SIPA1L1: variants seen among roughly 807,000 people sequenced by gnomAD.
SIPA1L1 encodes signal induced proliferation associated 1 like 1.
Under a neutral mutation model 162.7 loss-of-function variants are expected in SIPA1L1, and 26 were observed. The observed-to-expected ratio is 0.16, with a 90% confidence interval of 0.12 to 0.22. The LOEUF (loss-of-function observed/expected upper bound fraction) is 0.22. Ranked by LOEUF, SIPA1L1 falls within the 10% of genes least tolerant of loss-of-function variation. SIPA1L1 has a pLI of 1.00. For missense variants in SIPA1L1, 1,874 were observed against 2,241.0 expected, an observed-to-expected ratio of 0.84 and a Z score of 3.31; for synonymous variants, 829 against 837.4, an observed-to-expected ratio of 0.99 and a Z score of 0.17.
At chr14:71,333,284 C>T (rs527351381) in intron 2 of SIPA1L1, among the ~76,000 whole-genome samples, 20 of 152,256 alleles carry the variant, frequency 1.3e-4, no homozygotes, top group African/African-American at 4.6e-4. Flanking sequence ...ATAATGGTAA[C>T]ATCATGTCAC....
chr14:71,567,561 T>C (rs539410114), intron 4 of SIPA1L1, among the ~76,000 whole-genome samples: 330 of 151,840 alleles, frequency 2.2e-3, no homozygotes, highest in African/African-American at 7.5e-3. Context: ...TGGAGCAAAC[T>C]TATAGTTATT....
intron 7 of SIPA1L1, among the ~76,000 whole-genome samples, chr14:71,648,539 C>A (rs1319675265): frequency 3.9e-5 from 6 of 152,076 alleles, no homozygotes. Context: ...GCAGGGCTGG[C>A]TGTGTTTCAG....
rs117883575 is a variant in SIPA1L1 at position 71,459,233 on chromosome 14, G to A, written c.-464-53510G>A. 2.6e-3 allele frequency among the ~76,000 whole-genome samples: 393 copies of A among 152,264 alleles called. 6 individuals carry two copies. Among genetic ancestry groups the A allele is most frequent in the Non-Finnish European group, 4.3e-3 (294 of 68,014 alleles). On this transcript the variant is annotated intron_variant, in intron 2 of 23. Transcript: ENST00000381232. The stretch of plus-strand genomic sequence containing the variant: ...ATAGTCACACACTTGCAGGTGATAT[G>A]TGGCGGGAACATACTACAGATCGCT...
At chr14:71,566,719 A>G (rs902253336) in intron 4 of SIPA1L1, among the ~76,000 whole-genome samples, 2 of 152,236 alleles carry the variant, frequency 1.3e-5, no homozygotes, top group African/African-American at 4.8e-5. Flanking sequence ...ATCCTATTTT[A>G]AAGGAACATT....
intron 2 of SIPA1L1, among the ~76,000 whole-genome samples, chr14:71,511,539 T>C (rs1239183932): frequency 6.6e-6 from 1 of 152,142 alleles, no homozygotes; most frequent in South Asian, 2.1e-4. Context: ...TGTGCCCACT[T>C]TTACATCCCA....
chr14:71,669,686 GTC>G (rs1301307355), intron 10 of SIPA1L1, among the ~76,000 whole-genome samples: 12 of 152,256 alleles, frequency 7.9e-5, no homozygotes, highest in African/African-American at 2.9e-4. Context: ...CCATATGGAA[GTC>G]TCTGAATTCT....
At chr14:71,333,566 A>G (rs1028597193) in intron 2 of SIPA1L1, among the ~76,000 whole-genome samples, 1 of 152,242 alleles carries the variant, frequency 6.6e-6, no homozygotes, top group African/African-American at 2.4e-5. Context: ...ACCAAAGAAC[A>G]GTGGAAGATT....
intron 3 of SIPA1L1, among the ~76,000 whole-genome samples, chr14:71,528,428 G>A (rs920704711): frequency 1.3e-5 from 2 of 152,122 alleles, no homozygotes; most frequent in African/African-American, 4.8e-5. Flanking sequence ...GCCGAGGCAG[G>A]TGGATTACCT....
intron 17 of SIPA1L1, among the ~76,000 whole-genome samples, chr14:71,710,268 C>T (rs1226815705): frequency 1.3e-5 from 2 of 152,190 alleles, no homozygotes; most frequent in African/African-American, 4.8e-5. Flanking sequence ...ACACATTCCC[C>T]TGTATCCTTG....
At chr14:71,726,407 G>A (rs967714727) in intron 19 of SIPA1L1, among the ~76,000 whole-genome samples, 1 of 152,158 alleles carries the variant, frequency 6.6e-6, no homozygotes, top group Non-Finnish European at 1.5e-5. Flanking sequence ...TTCCTTTGAG[G>A]TTAAAGGGAA....
At chr14:71,421,201 T>C (rs1432679276) in intron 2 of SIPA1L1, among the ~76,000 whole-genome samples, 1 of 152,256 alleles carries the variant, frequency 6.6e-6, no homozygotes, top group Non-Finnish European at 1.5e-5. Context: ...AATGAGGACA[T>C]TTTTCTATTA....
intron 7 of SIPA1L1, among the ~76,000 whole-genome samples, chr14:71,635,512 A>G (rs950679261): frequency 2.0e-5 from 3 of 152,222 alleles, no homozygotes; most frequent in Admixed American, 6.5e-5. Context: ...AAGTTTCTAC[A>G]CTTCGCTTCA....
At position 71,672,536 on chromosome 14, in the gene SIPA1L1, C is replaced by G; in HGVS notation, c.3018C>G (p.Ser1006Arg). 2 of 1,614,140 alleles carry G rather than the reference C, an allele frequency of 1.2e-6. No individual in the cohort carries two copies. The highest frequency in any genetic ancestry group is 1.6e-4 in the Middle Eastern group (1 of 6,062). Residue 1006 changes from serine (S) to arginine (R), a missense_variant, in exon 12 of 24, where the codon AGC (serine) becomes AGG (arginine). Physicochemically the swap from Ser to Arg is moderately radical, Grantham distance 110. Coordinates refer to ENST00000381232, the MANE Select transcript of SIPA1L1 (RefSeq NM_001386936.1). ...EICKVAVATLSHEQMIDLLRT... is the reference protein window; with the variant it reads ...EICKVAVATLRHEQMIDLLRT... ...GCAAGGTGGCGGTAGCCACTCTGAG[C>G]CATGAGCAGATGATCGACCTCCTGA...
chr14:71,349,617 A>G (rs547682752), intron 2 of SIPA1L1, among the ~76,000 whole-genome samples: 47 of 152,204 alleles, frequency 3.1e-4, no homozygotes, highest in Non-Finnish European at 5.9e-4. Flanking sequence ...TATAGGTTTA[A>G]ACAGGTGATT....
intron 4 of SIPA1L1, among the ~76,000 whole-genome samples, chr14:71,559,264 C>G (rs917525545): frequency 6.6e-6 from 1 of 151,958 alleles, no homozygotes; most frequent in African/African-American, 2.4e-5. Context: ...GAGGTGGTTT[C>G]GCCATGTTGG....
intron 2 of SIPA1L1, among the ~76,000 whole-genome samples, chr14:71,344,843 C>T (rs1037129826): frequency 5.3e-5 from 8 of 152,130 alleles, no homozygotes; most frequent in Admixed American, 3.9e-4. Flanking sequence ...TAGGAGGTGT[C>T]GTGAGCCACT....
At chr14:71,651,928 A>G (rs1479051372) in intron 8 of SIPA1L1, among the ~76,000 whole-genome samples, 1 of 152,230 alleles carries the variant, frequency 6.6e-6, no homozygotes, top group African/African-American at 2.4e-5. Context: ...ATTACCAAAC[A>G]GCCTCTTAAT....
intron 5 of SIPA1L1, among the ~76,000 whole-genome samples, chr14:71,599,827 T>C (rs2036520043): frequency 6.6e-6 from 1 of 152,184 alleles, no homozygotes; most frequent in South Asian, 2.1e-4. Context: ...GATAAGATGA[T>C]TATCTCATTG....
At chr14:71,608,362 T>C (rs2037774985) in intron 5 of SIPA1L1, among the ~76,000 whole-genome samples, 1 of 152,174 alleles carries the variant, frequency 6.6e-6, no homozygotes, top group Non-Finnish European at 1.5e-5. Context: ...TAGGAAGACA[T>C]CTTGCTGCAA....
Sources: allele counts gnomAD v4.1 joint callset (sites outside exome capture counted in the v4.1 genomes callset), GRCh38; gene constraint gnomAD v4.1.1; transcripts MANE v1.5; gene names NCBI Gene and HGNC (gene_info 2026-07-23, HGNC 2026-07-21).